Variants in EPSTI1 observed in about 807,000 individuals in gnomAD.
EPSTI1 encodes the protein epithelial stromal interaction 1.
In EPSTI1, 66 loss-of-function variants were observed where a neutral mutation model predicts 49.9. That is an observed-to-expected ratio of 1.32 (90% CI 1.08 to 1.62). The LOEUF (loss-of-function observed/expected upper bound fraction) is 1.62. Among genes scored for constraint, EPSTI1 ranks in the 40% most tolerant of loss-of-function variants. The probability of loss-of-function intolerance (pLI) is 0.00; values close to 1 mark genes in which losing one functional copy is unlikely to be tolerated. For missense variants in EPSTI1, 394 were observed against 365.5 expected (o/e 1.08, Z -0.64); for synonymous variants, 137 against 130.7 (o/e 1.05, Z -0.33).
At chr13:42,945,493 C>T (rs752948528) in intron 6 of EPSTI1, among the ~76,000 whole-genome samples, 3 of 152,156 alleles carry the variant, frequency 2.0e-5, no homozygotes, top group Non-Finnish European at 2.9e-5. Context: ...TGGTTCCCCA[C>T]GGTGTGGCTA....
chr13:42,964,298 A>C (rs2039544430), intron 3 of EPSTI1, among the ~76,000 whole-genome samples, 159 bp from the exon 4 acceptor site: 1 of 152,196 alleles, frequency 6.6e-6, no homozygotes, highest in Non-Finnish European at 1.5e-5. Context: ...AGAAGACCTT[A>C]AAGAAGGGGA....
At chr13:42,969,489 T>A (rs1279000085) in intron 2 of EPSTI1, 2 of 296,784 alleles carry the variant, frequency 6.7e-6, no homozygotes, top group Admixed American at 9.7e-5. Context: ...TCAAGTTAAT[T>A]TTTAAAGTTA....
At position 42,989,567 on chromosome 13, in the gene EPSTI1, C is replaced by CTTTTTTTTTTTTTTTTTTTTTT; in HGVS notation, c.188+2410_188+2411insAAAAAAAAAAAAAAAAAAAAAA. On this transcript the variant is annotated intron_variant, in intron 1 of 10. Coordinates refer to ENST00000313624, the MANE Select transcript of EPSTI1 (RefSeq NM_033255.5). ...ATTAAAGCACTTTATCCTCTTTTTT[C>CTTTTTTTTTTTTTTTTTTTTTT]TTTTTTTTTTTTTTTTGCTTTTTGT... Among the ~76,000 whole-genome samples, 230 of 78,912 alleles carry CTTTTTTTTTTTTTTTTTTTTTT rather than the reference C, an allele frequency of 2.9e-3. 4 individuals are homozygous for CTTTTTTTTTTTTTTTTTTTTTT. The highest frequency in any genetic ancestry group is 0.014 in the Middle Eastern group (2 of 140). The allele number at this position is 78,912 out of a possible 152,430, so 51.8% of individuals were successfully genotyped here.
intron 6 of EPSTI1, among the ~76,000 whole-genome samples, chr13:42,947,377 A>G (rs957305915): frequency 6.6e-6 from 1 of 152,168 alleles, no homozygotes; most frequent in Non-Finnish European, 1.5e-5. Flanking sequence ...AGCGATGGTT[A>G]AAATATGAAA....
At chr13:42,932,618 C>T (rs528523895) in intron 6 of EPSTI1, among the ~76,000 whole-genome samples, 3 of 140,450 alleles carry the variant, frequency 2.1e-5, no homozygotes, top group African/African-American at 8.7e-5. Context: ...AGGCAAACAT[C>T]CAGGTAAAAA....
chr13:42,987,608 A>G (rs557232461), intron 1 of EPSTI1, among the ~76,000 whole-genome samples: 43 of 152,088 alleles, frequency 2.8e-4, no homozygotes, highest in African/African-American at 1.0e-3. Flanking sequence ...CACTATGATT[A>G]GTGTTAGTGT....
chr13:42,923,937 T>C (rs1014818867), intron 7 of EPSTI1, among the ~76,000 whole-genome samples: 1 of 152,222 alleles, frequency 6.6e-6, no homozygotes, highest in Admixed American at 6.5e-5. Context: ...AAAATTAAAG[T>C]ATTAAAAATT....
intron 10 of EPSTI1, chr13:42,889,317 T>C: frequency 2.2e-6 from 2 of 896,484 alleles, no homozygotes; most frequent in Non-Finnish European, 3.3e-6. Context: ...TTAAGAAATA[T>C]GAGAAGACTG....
chr13:42,929,059 G>A (rs1011968757), intron 6 of EPSTI1, among the ~76,000 whole-genome samples: 3 of 152,176 alleles, frequency 2.0e-5, no homozygotes, highest in Non-Finnish European at 4.4e-5. Context: ...TATGCTTTTT[G>A]TGAATTCACT....
intron 3 of EPSTI1, among the ~76,000 whole-genome samples, chr13:42,965,676 C>CTCAACCTGCATTTTTAAGAGTCTGAGGGT (rs1594741827): frequency 1.5e-4 from 11 of 71,790 alleles, no homozygotes; most frequent in South Asian, 1.5e-3. Context: ...AGCTGGAGTC[C>CTCAACCTGCATTTTTAAGAGTCTGAGGGT]CTGTCCCTCT....
intron 6 of EPSTI1, among the ~76,000 whole-genome samples, chr13:42,949,117 C>G (rs111767117): frequency 2.2e-4 from 33 of 152,230 alleles, no homozygotes; most frequent in African/African-American, 7.9e-4. Context: ...AGATAGCAGA[C>G]CCTGAAGGAA....
intron 1 of EPSTI1, among the ~76,000 whole-genome samples, chr13:42,972,810 C>T (rs911089673): frequency 2.0e-4 from 30 of 151,614 alleles, no homozygotes; most frequent in African/African-American, 7.0e-4. Flanking sequence ...AAGCACCCCA[C>T]GAGAATATCC....
intron 1 of EPSTI1, 24 bp from the exon 2 acceptor site, chr13:42,970,694 G>A: frequency 6.3e-7 from 1 of 1,584,786 alleles, no homozygotes; most frequent in Non-Finnish European, 8.6e-7. Context: ...AAAAAAAAAT[G>A]CTTATTACCA....
intron 8 of EPSTI1, among the ~76,000 whole-genome samples, chr13:42,912,488 C>T (rs1034184802): frequency 3.3e-5 from 5 of 152,128 alleles, no homozygotes; most frequent in African/African-American, 1.2e-4. Flanking sequence ...AGACAAGCTC[C>T]TACATACCTC....
At chr13:42,991,664 A>G (rs1382328484) in intron 1 of EPSTI1, among the ~76,000 whole-genome samples, 1 of 152,230 alleles carries the variant, frequency 6.6e-6, no homozygotes, top group African/African-American at 2.4e-5. Context: ...ATACCTGGAA[A>G]ATGACATCTT....
In EPSTI1 at chr13:42,963,260, C is replaced by G. The variant is rs1361238657; in HGVS notation, c.484G>C (p.Glu162Gln). 1.2e-6 allele frequency: 2 copies of G among 1,612,850 alleles called. No individual in the cohort carries two copies. The highest frequency in any genetic ancestry group is 1.7e-5 in the Admixed American group (1 of 59,938). Reference sequence around the variant, plus strand: ...CTAATCCTCCTCCTCCTTACCTTCTCTCTCTGAATTGCCTTCATTTTTTGG... The same window carrying G: ...CTAATCCTCCTCCTCCTTACCTTCTGTCTCTGAATTGCCTTCATTTTTTGG... The part of the protein sequence containing the change: ...ELQKMKAIQR[E>Q]KSNKLEEKKR... The change falls in exon 5 of 11, where the codon GAG (glutamate) becomes CAG (glutamine). Residue 162 changes from glutamate (E) to glutamine (Q), a missense_variant. Glu to Gln is a conservative substitution (Grantham distance 29). Coordinates refer to ENST00000313624, the MANE Select transcript of EPSTI1 (RefSeq NM_033255.5).
chr13:42,929,166 T>G (rs190859890), intron 6 of EPSTI1, among the ~76,000 whole-genome samples: 1 of 152,334 alleles, frequency 6.6e-6, no homozygotes, highest in East Asian at 1.9e-4. Context: ...TCAGTGTTAT[T>G]ATAAACTGAT....
chr13:42,916,117 C>A (rs118188030), intron 8 of EPSTI1, among the ~76,000 whole-genome samples: 1 of 152,052 alleles, frequency 6.6e-6, no homozygotes, highest in African/African-American at 2.4e-5. Flanking sequence ...CAAATGAACA[C>A]TTTTACGTCA....
chr13:42,897,337 T>C (rs1214390866), intron 9 of EPSTI1, among the ~76,000 whole-genome samples: 2 of 152,208 alleles, frequency 1.3e-5, no homozygotes. Context: ...GATATTGTCC[T>C]CACAGTACAC....
Sources: allele counts gnomAD v4.1 joint callset (sites outside exome capture counted in the v4.1 genomes callset), GRCh38; gene constraint gnomAD v4.1.1; transcripts MANE v1.5; gene names NCBI Gene and HGNC (gene_info 2026-07-23, HGNC 2026-07-21).